The following NOS1AP variants were observed in gnomAD, a reference collection of about 807,000 sequenced individuals.
The protein encoded by NOS1AP is carboxyl-terminal PDZ ligand of neuronal nitric oxide synthase protein.
Under a neutral mutation model 56.2 loss-of-function variants are expected in NOS1AP, and 21 were observed. That is an observed-to-expected ratio of 0.37 (90% confidence interval 0.26 to 0.54). NOS1AP has a LOEUF of 0.54. NOS1AP is among the 20% of genes least tolerant of loss of function. The pLI is 0.84. For missense variants in NOS1AP, 522 were observed against 657.8 expected, an observed-to-expected ratio of 0.79 and a Z score of 2.26; for synonymous variants, 270 against 274.6, an observed-to-expected ratio of 0.98 and a Z score of 0.17.
intron 2 of NOS1AP, among the ~76,000 whole-genome samples, chr1:162,165,442 A>C (rs1248742853): frequency 2.0e-5 from 3 of 152,218 alleles, no homozygotes; most frequent in African/African-American, 7.2e-5. Context: ...AGCACTTAAC[A>C]AGATTTGTTA....
intron 2 of NOS1AP, among the ~76,000 whole-genome samples, chr1:162,219,298 C>G (rs757145966): frequency 6.6e-6 from 1 of 152,196 alleles, no homozygotes; most frequent in Non-Finnish European, 1.5e-5. Context: ...TAGTAGCAGT[C>G]GTCTCTAAGG....
chr1:162,110,234 G>A (rs979522512), intron 1 of NOS1AP, among the ~76,000 whole-genome samples: 2 of 147,116 alleles, frequency 1.4e-5, no homozygotes, highest in Non-Finnish European at 3.0e-5. Context: ...GTGCTTTTTA[G>A]GAAGAGTTTT....
At chr1:162,113,977 C>A (rs1407253278) in intron 1 of NOS1AP, among the ~76,000 whole-genome samples, 2 of 152,026 alleles carry the variant, frequency 1.3e-5, no homozygotes, top group African/African-American at 2.4e-5. Flanking sequence ...TTTGAAAACC[C>A]AGAATTTATA....
Position 162,204,822 on chromosome 1 carries a change from T to C in NOS1AP, c.177+50346T>C, listed in dbSNP as rs554436059. ...CTGGGTTGGTGTTGCTGCAATTATC[T>C]GAAGACTGTACGTGCACATGTGTGG... On this transcript the variant is annotated intron_variant, in intron 2 of 9. Coordinates refer to ENST00000361897, the MANE Select transcript of NOS1AP (RefSeq NM_014697.3). 5.3e-5 allele frequency among the ~76,000 whole-genome samples: 8 copies of C among 152,352 alleles called. No homozygotes were observed. The East Asian group carries it at 1.5e-3, about 29-fold the overall frequency.
chr1:162,296,124 T>C (rs887198996), intron 3 of NOS1AP, among the ~76,000 whole-genome samples: 1 of 152,070 alleles, frequency 6.6e-6, no homozygotes, highest in African/African-American at 2.4e-5. Flanking sequence ...CCATCTCTAC[T>C]AAAAATACAA....
chr1:162,201,886 T>G (rs868809091), intron 2 of NOS1AP, among the ~76,000 whole-genome samples: 2 of 152,352 alleles, frequency 1.3e-5, no homozygotes, highest in Middle Eastern at 3.4e-3. Context: ...AAATTTCCTC[T>G]CATTCTATAG....
intron 8 of NOS1AP, 144 bp downstream of exon 8, chr1:162,357,280 G>A (rs1166720465): frequency 6.9e-7 from 1 of 1,453,512 alleles, no homozygotes; most frequent in African/African-American, 1.4e-5. Context: ...TTGTTGGGGA[G>A]TGGGGGCAGC....
At chr1:162,366,291 CTG>C (rs932859156) in intron 9 of NOS1AP, among the ~76,000 whole-genome samples, 45 of 152,274 alleles carry the variant, frequency 3.0e-4, no homozygotes, top group African/African-American at 1.1e-3. Context: ...GTGCCAGAAA[CTG>C]TGATAGAATT....
intron 1 of NOS1AP, among the ~76,000 whole-genome samples, chr1:162,137,961 T>C (rs1040244785): frequency 2.0e-5 from 3 of 152,092 alleles, no homozygotes; most frequent in African/African-American, 4.8e-5. Flanking sequence ...ACTAGGTGGG[T>C]AAGAGGGGGT....
intron 3 of NOS1AP, among the ~76,000 whole-genome samples, chr1:162,299,545 C>G (rs1343400660): frequency 6.6e-6 from 1 of 152,088 alleles, no homozygotes; most frequent in Non-Finnish European, 1.5e-5. Flanking sequence ...TGTGTTGCTC[C>G]AAATAGGTAA....
At chr1:162,317,972 G>A (rs1656285818) in intron 4 of NOS1AP, among the ~76,000 whole-genome samples, 1 of 152,106 alleles carries the variant, frequency 6.6e-6, no homozygotes, top group African/African-American at 2.4e-5. Flanking sequence ...ACTTCATAAG[G>A]GCCACCAAAA....
At chr1:162,199,620 G>C (rs1408091601) in intron 2 of NOS1AP, among the ~76,000 whole-genome samples, 1 of 140,576 alleles carries the variant, frequency 7.1e-6, no homozygotes, top group African/African-American at 2.6e-5. Context: ...GTGTGTGTGT[G>C]TGTGTGTGTG....
At chr1:162,108,956 A>T (rs1647612916) in intron 1 of NOS1AP, among the ~76,000 whole-genome samples, 1 of 152,232 alleles carries the variant, frequency 6.6e-6, no homozygotes, top group South Asian at 2.1e-4. Flanking sequence ...GGTTTAATGG[A>T]TTCACAGTTC....
rs758281543 is a variant in NOS1AP at position 162,365,318 on chromosome 1, C to T, written c.940-86C>T. On this transcript the variant is annotated intron_variant, in intron 8 of 9. Coordinates refer to ENST00000361897, the MANE Select transcript of NOS1AP (RefSeq NM_014697.3). ...TGAATGTGGAGGGCATCTCTGGTCC[C>T]GGCCATCTGCCAGTGACTCTCATGT... The T allele has an allele frequency of 3.5e-5, 56 of 1,601,720 alleles. No homozygotes were observed. In the Middle Eastern group the frequency reaches 8.3e-4, roughly 24 times the overall value.
intron 2 of NOS1AP, among the ~76,000 whole-genome samples, chr1:162,286,910 T>C (rs1171350613): frequency 1.3e-5 from 2 of 152,178 alleles, no homozygotes; most frequent in Non-Finnish European, 2.9e-5. Context: ...TATCTTTCAG[T>C]GTGTAAAAAA....
intron 8 of NOS1AP, chr1:162,364,476 C>T (rs1054366705): frequency 6.2e-5 from 61 of 985,422 alleles, no homozygotes; most frequent in Non-Finnish European, 7.2e-5. Context: ...GTCTGGTTGC[C>T]CCTGTCTCCT....
rs1656820284 is a variant in NOS1AP, at chr1:162,332,927, GC to G, written c.345-89del. 3.0e-5 allele frequency: 27 copies of G among 912,216 alleles called. No individual in the cohort carries two copies. In the Admixed American group the frequency reaches 4.7e-4, roughly 16 times the overall value. The allele number at this position is 912,216 out of a possible 1,614,324, so 56.5% of individuals were successfully genotyped here. A position where few individuals can be genotyped will look rare whatever the true frequency, so the allele number is the denominator to read the frequency against. On this transcript the variant is annotated intron_variant, in intron 4 of 9. Transcript: ENST00000361897. ...TAATAACTTGGCTCTCATGAGCTGT[GC>G]TTCAGAGTGTCCTTAAACAGAGCTT...
intron 9 of NOS1AP, 90 bp from the exon 10 acceptor site, chr1:162,366,962 T>G (rs1658106200): frequency 1.3e-6 from 2 of 1,497,302 alleles, no homozygotes; most frequent in East Asian, 4.5e-5. Flanking sequence ...GGAAGGGCTT[T>G]GGCAGGGCAC....
At chr1:162,230,684 A>G (rs1458399200) in intron 2 of NOS1AP, among the ~76,000 whole-genome samples, 10 of 152,160 alleles carry the variant, frequency 6.6e-5, no homozygotes, top group Admixed American at 5.9e-4. Flanking sequence ...GTTAACCACG[A>G]TTCTCATTAT....
Sources: allele counts gnomAD v4.1 joint callset (sites outside exome capture counted in the v4.1 genomes callset), GRCh38; gene constraint gnomAD v4.1.1; transcripts MANE v1.5; gene names NCBI Gene and HGNC (gene_info 2026-07-23, HGNC 2026-07-21).